The following HID1 variants were observed in gnomAD, a reference collection of about 807,000 sequenced individuals.
The protein encoded by HID1 is HID1 domain containing, also known as protein HID1.
In HID1, 42 loss-of-function variants were observed where a neutral mutation model predicts 89.7. That is an observed-to-expected ratio of 0.47 (90% CI 0.37 to 0.61). The LOEUF is 0.61. Ranked by LOEUF, HID1 falls within the 20% of genes least tolerant of loss-of-function variation. The pLI is 0.00. For missense variants in HID1, 854 were observed against 1,039.3 expected (o/e 0.82, Z 2.45); for synonymous variants, 442 against 433.8 (o/e 1.02, Z -0.24).
At position 74,958,706 on chromosome 17, in the gene HID1, G is replaced by C. The variant is rs2039432684; in HGVS notation, c.1207C>G (p.Leu403Val). The C allele has an allele frequency of 1.2e-6, 2 of 1,610,714 alleles. No homozygotes were observed. Among genetic ancestry groups the C allele is most frequent in the African/African-American group, 2.7e-5 (2 of 74,020 alleles). The change falls in exon 10 of 19, where the codon CTC becomes GTC. Residue 403 changes from leucine to valine, a missense_variant. Physicochemically the swap from Leu to Val is conservative, Grantham distance 32 (BLOSUM62 1). Coordinates refer to ENST00000425042, the MANE Select transcript of HID1 (RefSeq NM_030630.3). The surrounding 1 kb of genome is among the most constrained non-coding windows in gnomAD (Gnocchi z 5.2). The part of the protein sequence containing the change: ...SDVLDILVPI[L>V]FFLNDARADQ... ...GCCCGGGCATCGTTGAGGAAGAAGAGGATGGGGACAAGGATGTCTAGGACG... is the reference window on the plus strand; with the variant it reads ...GCCCGGGCATCGTTGAGGAAGAAGACGATGGGGACAAGGATGTCTAGGACG...
intron 1 of HID1, among the ~76,000 whole-genome samples, chr17:74,966,455 G>A (rs915405597): frequency 2.6e-5 from 4 of 151,710 alleles, no homozygotes; most frequent in Non-Finnish European, 4.4e-5. Flanking sequence ...TCCAAGGCAC[G>A]CGCACCTCCT....
chr17:74,967,389 T>A (rs1451169090), intron 1 of HID1, among the ~76,000 whole-genome samples: 1 of 147,690 alleles, frequency 6.8e-6, no homozygotes, highest in Non-Finnish European at 1.5e-5. Flanking sequence ...AATACAAAAA[T>A]TAGCCAGGCA....
In HID1 at chr17:74,963,839, G is replaced by A. The variant is rs769799489; in HGVS notation, c.288C>T (p.Asn96=). 4 of 1,614,134 alleles carry A rather than the reference G, an allele frequency of 2.5e-6. No homozygotes were observed. The Admixed American group carries it at 6.7e-5, about 27-fold the overall frequency. Residue 96 remains asparagine, a synonymous_variant, in exon 3 of 19, where the codon AAC becomes AAT. Transcript: ENST00000425042. The part of the protein sequence containing the change: ...HSEKEKQIVL[N]CSRLLTRVLP... ...GCACGCGGGTGAGCAGCCGGCTGCA[G>A]TTCAGGACGATCTGCTTCTCCTTCT... is the stretch of plus-strand genomic sequence containing the variant.
At position 74,972,474 on chromosome 17, in the gene HID1, T is replaced by C. The variant is rs1024111854; in HGVS notation, c.66+117A>G. On this transcript the variant is annotated intron_variant, in intron 1 of 18. Coordinates refer to ENST00000425042, the MANE Select transcript of HID1 (RefSeq NM_030630.3). The surrounding 1 kb of genome is among the most constrained non-coding windows in gnomAD (Gnocchi z 6.4). ...CCCGTTCCGGCGCTGGCCTTGGCGT[T>C]ACGCTCGGGGCCCGCCCGTCCCCCC... 8.0e-6 allele frequency: 8 copies of C among 999,372 alleles called. No individual in the cohort carries two copies. Among genetic ancestry groups the C allele is most frequent in the Non-Finnish European group, 1.2e-5 (8 of 694,400 alleles). 61.9% of individuals were successfully genotyped at this position (999,372 alleles called of 1,614,324 possible).
At chr17:74,971,429 T>C (rs1432038719) in intron 1 of HID1, among the ~76,000 whole-genome samples, 1 of 152,190 alleles carries the variant, frequency 6.6e-6, no homozygotes, top group Non-Finnish European at 1.5e-5. Context: ...GGTTGGACTC[T>C]CCAGAGGCCC....
chr17:74,952,380 C>A lies in HID1; in HGVS notation c.2053-20G>T, dbSNP rs1415019218. The A allele has an allele frequency of 1.2e-6, 2 of 1,607,648 alleles. No homozygotes were observed. The highest frequency in any genetic ancestry group is 1.7e-6 in the Non-Finnish European group (2 of 1,174,764). ...GAGGACCTGGCGAGGGACGGGGTTCCTGGGGCTGAGAAAGCAGCCCCCGGA... is the reference window on the plus strand; with the variant it reads ...GAGGACCTGGCGAGGGACGGGGTTCATGGGGCTGAGAAAGCAGCCCCCGGA... On this transcript the variant is annotated intron_variant, in intron 16 of 18. Coordinates refer to ENST00000425042, the MANE Select transcript of HID1 (RefSeq NM_030630.3).
Position 74,962,251 on chromosome 17 carries a change from G to A in HID1, c.594C>T (p.Tyr198=), listed in dbSNP as rs759224781. ...VGFAHSPQPN[Y]IHDMNRMELL... ...AAGCTCACCGGTTCATATCGTGGAT[G>A]TAGTTAGGCTGGGGGGAGTGAGCGA... is the stretch of plus-strand genomic sequence containing the variant. Residue 198 remains tyrosine (Y), a synonymous_variant, in exon 5 of 19, where the codon TAC becomes TAT. Transcript: ENST00000425042. This position sits in a 1 kb window ranked among gnomAD's most constrained non-coding sequence, Gnocchi z 4.3. 13 of 1,609,204 alleles carry A rather than the reference G, an allele frequency of 8.1e-6. No homozygotes were observed. Among genetic ancestry groups the A allele is most frequent in the Non-Finnish European group, 1.0e-5 (12 of 1,176,320 alleles).
intron 1 of HID1, among the ~76,000 whole-genome samples, chr17:74,969,263 C>T (rs2039608529): frequency 6.6e-6 from 1 of 151,194 alleles, no homozygotes; most frequent in Non-Finnish European, 1.5e-5. Context: ...GGTGCAATCT[C>T]GGCTTACTGC....
In HID1 at chr17:74,952,073, G is replaced by A. The variant is rs956575867; in HGVS notation, c.2145-10C>T. ...CTCATCCGTCAGGCCCCTGCGGGGA[G>A]AGGGGTATCTCCAGCACACTCACGT... On this transcript the variant is annotated splice_polypyrimidine_tract_variant and intron_variant, in intron 17 of 18. Transcript: ENST00000425042. 10 of 1,555,296 alleles carry A rather than the reference G, an allele frequency of 6.4e-6. No homozygotes were observed. Among genetic ancestry groups the A allele is most frequent in the Non-Finnish European group, 7.8e-6 (9 of 1,149,496 alleles).
Position 74,962,235 on chromosome 17 carries a change from G to T in HID1, c.610C>A (p.Arg204=), listed in dbSNP as rs2039493391. 1 of 1,604,370 alleles carries T rather than the reference G, an allele frequency of 6.2e-7. No individual in the cohort carries two copies. The highest frequency in any genetic ancestry group is 8.5e-7 in the Non-Finnish European group (1 of 1,172,518). The part of the protein sequence containing the change: ...PQPNYIHDMN[R]MELLKLLLTC... ...GCTCCGGGCCTGGGCGAAGCTCACC[G>T]GTTCATATCGTGGATGTAGTTAGGC... Residue 204 remains arginine, a splice_region_variant and synonymous_variant, in exon 5 of 19, where the codon CGG becomes AGG. Coordinates refer to ENST00000425042, the MANE Select transcript of HID1 (RefSeq NM_030630.3). This position sits in a 1 kb window ranked among gnomAD's most constrained non-coding sequence, Gnocchi z 4.3.
intron 15 of HID1, 38 bp from the exon 16 acceptor site, chr17:74,953,124 C>G: frequency 7.3e-7 from 1 of 1,376,458 alleles, no homozygotes; most frequent in Non-Finnish European, 1.0e-6. Context: ...GGGATGGTGG[C>G]GGTGGGTGAG....
chr17:74,953,500 G>A, intron 15 of HID1, 45 bp downstream of exon 15: 1 of 1,530,326 alleles, frequency 6.5e-7, no homozygotes, highest in Non-Finnish European at 9.0e-7. Flanking sequence ...CAGGGAGGAA[G>A]GGAAGGGCCA....
chr17:74,964,049 C>A, intron 2 of HID1, 139 bp from the exon 3 acceptor site: 3 of 854,144 alleles, frequency 3.5e-6, no homozygotes, highest in Non-Finnish European at 5.4e-6. Flanking sequence ...AGTGGGGCCA[C>A]AGGCAGAGGA....
chr17:74,957,950 T>C, intron 12 of HID1, 191 bp downstream of exon 12: 1 of 592,626 alleles, frequency 1.7e-6, no homozygotes, highest in South Asian at 2.0e-5. Flanking sequence ...CATGTTGAGA[T>C]GATGATAGAT....
intron 13 of HID1, 130 bp downstream of exon 13, chr17:74,955,662 G>T (rs2039378037): frequency 1.3e-6 from 1 of 745,636 alleles, no homozygotes; most frequent in African/African-American, 1.8e-5. Context: ...TACACTGAAT[G>T]AATGAACTGG....
At chr17:74,970,074 G>A (rs1166181853) in intron 1 of HID1, among the ~76,000 whole-genome samples, 2 of 151,494 alleles carry the variant, frequency 1.3e-5, no homozygotes, top group Non-Finnish European at 2.9e-5. Flanking sequence ...GTTCCACCAC[G>A]CCTGGCTAAT....
chr17:74,964,570 C>G lies in HID1; in HGVS notation c.129G>C (p.Val43=). The change falls in exon 2 of 19, where the codon GTG becomes GTC. Residue 43 remains valine (V), a synonymous_variant. Coordinates refer to ENST00000425042, the MANE Select transcript of HID1 (RefSeq NM_030630.3). ...CCGGCACCAGTGCAAACACATCCTG[C>G]ACCGAGGTGGCTGTGTCTGCCCAGA... ...DQFWADTATS[V]QDVFALVPAA... is the part of the protein sequence containing the mutation. 6.2e-7 allele frequency: 1 copy of G among 1,612,034 alleles called. No individual in the cohort carries two copies.
chr17:74,969,427 C>A (rs994644186), intron 1 of HID1, among the ~76,000 whole-genome samples: 1 of 152,112 alleles, frequency 6.6e-6, no homozygotes, highest in African/African-American at 2.4e-5. Flanking sequence ...ACCTCGTGAT[C>A]CACCCGCCTC....
chr17:74,955,599 T>C (rs1433841459), intron 13 of HID1, among the ~76,000 whole-genome samples, 193 bp downstream of exon 13: 1 of 152,194 alleles, frequency 6.6e-6, no homozygotes, highest in African/African-American at 2.4e-5. Context: ...AGCAAAGCTT[T>C]GTTCCCCACT....
Sources: gnomAD v4.1 joint callset for allele counts (sites outside exome capture counted in the v4.1 genomes callset) on GRCh38, gnomAD v4.1.1 for gene constraint, Gnocchi (gnomAD v3.1) non-coding constraint, MANE v1.5 for transcripts, NCBI Gene and HGNC (gene_info 2026-07-23, HGNC 2026-07-21) for gene names.